The following GRM7 variants were observed in gnomAD, a reference collection of about 807,000 sequenced individuals.
GRM7 encodes the protein metabotropic glutamate receptor 7.
GRM7 carries 35 observed loss-of-function variants against 84.5 expected under a neutral mutation model. That is an observed-to-expected ratio of 0.41 (90% CI 0.32 to 0.55). The LOEUF (loss-of-function observed/expected upper bound fraction) is 0.55. Ranked by LOEUF, GRM7 falls within the 20% of genes least tolerant of loss-of-function variation. GRM7 has a pLI of 0.19. For missense variants in GRM7, 1,003 were observed against 1,194.6 expected, an observed-to-expected ratio of 0.84 and a Z score of 2.36; for synonymous variants, 487 against 455.1, an observed-to-expected ratio of 1.07 and a Z score of -0.89.
chr3:6,958,186 A>T (rs1284429131), intron 1 of GRM7, among the ~76,000 whole-genome samples: 1 of 150,588 alleles, frequency 6.6e-6, no homozygotes, highest in East Asian at 2.0e-4. Context: ...AATCTTTGTT[A>T]CTCTCTATAT....
intron 2 of GRM7, among the ~76,000 whole-genome samples, chr3:7,149,457 A>C (rs1694210721): frequency 6.6e-6 from 1 of 152,206 alleles, no homozygotes; most frequent in Non-Finnish European, 1.5e-5. Context: ...AATAAAAGAA[A>C]AATTTATCTA....
At chr3:6,952,914 G>A (rs569377140) in intron 1 of GRM7, among the ~76,000 whole-genome samples, 23 of 152,146 alleles carry the variant, frequency 1.5e-4, no homozygotes, top group Non-Finnish European at 2.6e-4. Flanking sequence ...TTTTTCTAAT[G>A]TAGTCATGAA....
intron 1 of GRM7, among the ~76,000 whole-genome samples, chr3:7,036,557 G>A (rs937786880): frequency 6.6e-6 from 1 of 152,076 alleles, no homozygotes; most frequent in East Asian, 1.9e-4. Context: ...AGAAATGATG[G>A]GGTATAGTCC....
intron 1 of GRM7, among the ~76,000 whole-genome samples, chr3:6,999,563 A>T (rs954622642): frequency 1.3e-5 from 2 of 152,178 alleles, no homozygotes; most frequent in Admixed American, 6.5e-5. Flanking sequence ...TCATGGTGCT[A>T]TAAGGACACA....
intron 8 of GRM7, among the ~76,000 whole-genome samples, chr3:7,633,977 T>C (rs1029442195): frequency 3.3e-5 from 5 of 152,238 alleles, no homozygotes; most frequent in Non-Finnish European, 5.9e-5. Context: ...GTGTTATGCT[T>C]TCCTTTTGTT....
Position 7,516,476 on chromosome 3 carries a change from C to CAAAAAAAAAAAAAAAAAAAAAAAA in GRM7, c.1515+54760_1515+54783dup, listed in dbSNP as rs34508559. On this transcript the variant is annotated intron_variant, in intron 7 of 9. Coordinates refer to ENST00000357716, the MANE Select transcript of GRM7 (RefSeq NM_000844.4). ...TGGGCGGCAGAGCGAGACTCCCTCTCAAAAAAAAAAAAAAAAAAAAAAAAA... is the reference window on the plus strand; with the variant it reads ...TGGGCGGCAGAGCGAGACTCCCTCTCAAAAAAAAAAAAAAAAAAAAAAAAAAAAAAAAAAAAAAAAAAAAAAAAA... 9.4e-5 allele frequency among the ~76,000 whole-genome samples: 4 copies of CAAAAAAAAAAAAAAAAAAAAAAAA among 42,470 alleles called. 1 individual carries two copies. Among genetic ancestry groups the CAAAAAAAAAAAAAAAAAAAAAAAA allele is most frequent in the Non-Finnish European group, 1.3e-4 (3 of 22,350 alleles). 27.9% of individuals were successfully genotyped at this position (42,470 alleles called of 152,430 possible).
intron 9 of GRM7, among the ~76,000 whole-genome samples, chr3:7,736,873 A>G (rs577414857): frequency 6.6e-6 from 1 of 152,320 alleles, no homozygotes; most frequent in South Asian, 2.1e-4. Flanking sequence ...CTTCAAAAAG[A>G]GCTGAGGAGA....
At chr3:7,351,871 T>G (rs1693164294) in intron 4 of GRM7, among the ~76,000 whole-genome samples, 1 of 151,982 alleles carries the variant, frequency 6.6e-6, no homozygotes, top group Non-Finnish European at 1.5e-5. Context: ...TTTTGAGGCT[T>G]TCAAACTTGG....
intron 1 of GRM7, among the ~76,000 whole-genome samples, chr3:7,084,785 G>T (rs891307842): frequency 5.9e-5 from 9 of 152,130 alleles, no homozygotes; most frequent in Non-Finnish European, 1.0e-4. Flanking sequence ...TCTTTATTCG[G>T]GAAATGAAAT....
intron 4 of GRM7, among the ~76,000 whole-genome samples, chr3:7,407,891 C>G (rs773419978): frequency 1.3e-4 from 20 of 152,154 alleles, no homozygotes; most frequent in Admixed American, 1.3e-4. Context: ...ATTGTTCTCT[C>G]TTTTCCTCAC....
chr3:7,420,819 G>A (rs1416751882), intron 5 of GRM7, among the ~76,000 whole-genome samples: 1 of 152,078 alleles, frequency 6.6e-6, no homozygotes, highest in Non-Finnish European at 1.5e-5. Context: ...ATAACTTTGA[G>A]GATTTAGTAA....
chr3:7,371,702 A>G (rs1694143600), intron 4 of GRM7, among the ~76,000 whole-genome samples: 1 of 152,090 alleles, frequency 6.6e-6, no homozygotes, highest in African/African-American at 2.4e-5. Context: ...CTCCTCCTCT[A>G]TGGACATATG....
intron 1 of GRM7, among the ~76,000 whole-genome samples, chr3:6,884,511 C>T (rs761170926): frequency 6.6e-6 from 1 of 152,086 alleles, no homozygotes; most frequent in Non-Finnish European, 1.5e-5. Flanking sequence ...ACCATTTTGA[C>T]CATTTAAATA....
intron 8 of GRM7, among the ~76,000 whole-genome samples, chr3:7,675,398 T>G (rs1199131034): frequency 6.6e-6 from 1 of 152,166 alleles, no homozygotes; most frequent in African/African-American, 2.4e-5. Context: ...AATTCCAGAG[T>G]TGGTTGTGAG....
intron 4 of GRM7, among the ~76,000 whole-genome samples, chr3:7,356,288 C>T (rs1693396768): frequency 6.6e-6 from 1 of 151,522 alleles, no homozygotes; most frequent in Non-Finnish European, 1.5e-5. Flanking sequence ...GTGACATCAG[C>T]AGAGGAGGAT....
Position 6,862,036 on chromosome 3 carries a change from C to T in GRM7, c.519+129C>T, listed in dbSNP as rs976041034. 1.4e-6 allele frequency: 1 copy of T among 717,426 alleles called. No individual in the cohort carries two copies. The highest frequency in any genetic ancestry group is 1.9e-5 in the South Asian group (1 of 53,396). The allele number at this position is 717,426 out of a possible 1,614,324, so 44.4% of individuals were successfully genotyped here. A position where few individuals can be genotyped will look rare whatever the true frequency, so the allele number is the denominator to read the frequency against. On this transcript the variant is annotated intron_variant, in intron 1 of 9. Transcript: ENST00000357716. The surrounding 1 kb of genome is among the most constrained non-coding windows in gnomAD (Gnocchi z 5.2). ...CTCATTTCCTCCCTGGAGATCCTGC[C>T]GAATCCCTCCCACCCCGCTCGAGGA...
At chr3:6,949,888 C>T (rs1692657134) in intron 1 of GRM7, among the ~76,000 whole-genome samples, 1 of 152,210 alleles carries the variant, frequency 6.6e-6, no homozygotes, top group Non-Finnish European at 1.5e-5. Context: ...AGTTCTTGTG[C>T]CGTGCTTTTC....
At chr3:7,052,528 G>A in intron 1 of GRM7, among the ~76,000 whole-genome samples, 1 of 151,368 alleles carries the variant, frequency 6.6e-6, no homozygotes, top group Non-Finnish European at 1.5e-5. Context: ...TATTTGTTTT[G>A]TACCTCTTTG....
chr3:6,924,148 A>G (rs943483936), intron 1 of GRM7, among the ~76,000 whole-genome samples: 3 of 152,212 alleles, frequency 2.0e-5, no homozygotes, highest in African/African-American at 7.2e-5. Context: ...GTAAACAGAA[A>G]AGAAATTCTT....
Sources: gnomAD v4.1 joint callset for allele counts (sites outside exome capture counted in the v4.1 genomes callset) on GRCh38, gnomAD v4.1.1 for gene constraint, Gnocchi (gnomAD v3.1) non-coding constraint, MANE v1.5 for transcripts, NCBI Gene and HGNC (gene_info 2026-07-23, HGNC 2026-07-21) for gene names.